DNAH14: variants seen among roughly 807,000 people sequenced by gnomAD.
The protein encoded by DNAH14 is axonemal beta dynein heavy chain 14.
Under a neutral mutation model 520.9 loss-of-function variants are expected in DNAH14, and 478 were observed. The observed-to-expected ratio is 0.92, with a 90% CI of 0.85 to 0.99. The LOEUF is 0.99. Among genes scored for constraint, DNAH14 ranks in the 50% least tolerant of loss-of-function variants. The pLI, the probability that DNAH14 is intolerant of heterozygous loss-of-function variation, is 0.00. For synonymous variants in DNAH14, 1,581 were observed against 1,757.2 expected (o/e 0.90, Z 2.51); for missense variants, 4,831 against 5,234.5 (o/e 0.92, Z 2.38).
At chr1:225,230,963 T>C (rs2091050007) in intron 41 of DNAH14, 110 bp from the exon 42 acceptor site, 4 of 670,988 alleles carry the variant, frequency 6.0e-6, no homozygotes, top group Non-Finnish European at 9.8e-6. Context: ...AATAAAGATA[T>C]TCTATGATAA....
chr1:225,335,453 ATGCACGTG>A lies in DNAH14; in HGVS notation c.10081-1810_10081-1803del, dbSNP rs1558429613. 6.0e-5 allele frequency among the ~76,000 whole-genome samples: 7 copies of A among 116,442 alleles called. 1 individual carries two copies. Among genetic ancestry groups the A allele is most frequent in the Admixed American group, 1.9e-4 (2 of 10,594 alleles). The allele number at this position is 116,442 out of a possible 152,430, so 76.4% of individuals were successfully genotyped here. The stretch of plus-strand genomic sequence containing the variant: ...TGTGTACATGTGTGTGTATGCACAT[ATGCACGTG>A]TGTACATGTGTGTGTATGCACATAT... On this transcript the variant is annotated intron_variant, in intron 66 of 85. Transcript: ENST00000682510.
chr1:225,334,547 G>T (rs1558419290), intron 66 of DNAH14, among the ~76,000 whole-genome samples: 1 of 152,198 alleles, frequency 6.6e-6, no homozygotes, highest in East Asian at 1.9e-4. Context: ...ATTTTAAATG[G>T]CTATGTATCT....
At chr1:224,955,743 G>A (rs1013041783) in intron 3 of DNAH14, among the ~76,000 whole-genome samples, 2 of 151,986 alleles carry the variant, frequency 1.3e-5, no homozygotes, top group African/African-American at 4.8e-5. Context: ...AGGAAGTTGG[G>A]GTCCATCAGA....
chr1:225,308,466 T>C lies in DNAH14; in HGVS notation c.9240+56T>C. ...TTTGGAGATTTGAAAAAGTATTCCCTAACCTTCAAATTTAAAAGTCAGACT... is the reference window on the plus strand; with the variant it reads ...TTTGGAGATTTGAAAAAGTATTCCCCAACCTTCAAATTTAAAAGTCAGACT... On this transcript the variant is annotated intron_variant, in intron 60 of 85. Transcript: ENST00000682510. 4 of 1,471,594 alleles carry C rather than the reference T, an allele frequency of 2.7e-6. No individual in the cohort carries two copies. The South Asian group carries it at 4.2e-5, about 15-fold the overall frequency. The allele number at this position is 1,471,594 out of a possible 1,614,324, so 91.2% of individuals were successfully genotyped here. A position where few individuals can be genotyped will look rare whatever the true frequency, so the allele number is the denominator to read the frequency against.
intron 11 of DNAH14, among the ~76,000 whole-genome samples, chr1:225,031,548 G>A (rs1200609512): frequency 6.6e-6 from 1 of 151,906 alleles, no homozygotes; most frequent in Non-Finnish European, 1.5e-5. Flanking sequence ...AAAAGATAGT[G>A]ATAGGATGTC....
chr1:225,237,313 G>T (rs898981264), intron 42 of DNAH14, among the ~76,000 whole-genome samples: 1 of 152,060 alleles, frequency 6.6e-6, no homozygotes, highest in Admixed American at 6.5e-5. Flanking sequence ...CAGGCCTGCT[G>T]GTGATGAATA....
At position 225,338,114 on chromosome 1, in the gene DNAH14, C is replaced by T. The variant is rs1476178054; in HGVS notation, c.10365C>T (p.Ile3455=). 6.4e-7 allele frequency: 1 copy of T among 1,551,094 alleles called. No individual in the cohort carries two copies. Among genetic ancestry groups the T allele is most frequent in the African/African-American group, 1.4e-5 (1 of 73,034 alleles). Residue 3455 remains isoleucine (I), a synonymous_variant, in exon 68 of 86, where the codon ATC becomes ATT. Coordinates refer to ENST00000682510, the MANE Select transcript of DNAH14 (RefSeq NM_001367479.1). ...TAAAGGCAATTCTGAAAAAGGATATCTATCAGAAAAAAGGACACTATTTCA... is the reference window on the plus strand; with the variant it reads ...TAAAGGCAATTCTGAAAAAGGATATTTATCAGAAAAAAGGACACTATTTCA... ...PGLKAILKKD[I]YQKKGHYFIR...
intron 64 of DNAH14, among the ~76,000 whole-genome samples, chr1:225,329,536 T>C (rs2094749839): frequency 6.6e-6 from 1 of 152,184 alleles, no homozygotes; most frequent in Non-Finnish European, 1.5e-5. Context: ...AGATAAGTGA[T>C]AATTTAAGAA....
chr1:225,394,700 C>G (rs968174567), intron 84 of DNAH14, among the ~76,000 whole-genome samples: 1 of 152,006 alleles, frequency 6.6e-6, no homozygotes, highest in Non-Finnish European at 1.5e-5. Context: ...AAAAATTAGC[C>G]AGGTTGGGTG....
intron 69 of DNAH14, among the ~76,000 whole-genome samples, chr1:225,342,882 T>G (rs1245541732): frequency 6.6e-6 from 1 of 151,144 alleles, no homozygotes; most frequent in Non-Finnish European, 1.5e-5. Flanking sequence ...CTTGCCCTCT[T>G]GCCCCTCCTC....
chr1:225,112,336 A>G (rs898745303), intron 23 of DNAH14, among the ~76,000 whole-genome samples: 13 of 152,136 alleles, frequency 8.5e-5, no homozygotes, highest in African/African-American at 3.1e-4. Context: ...CTACTGCCAG[A>G]TATATTGGAG....
At chr1:225,103,327 G>A (rs3128670) in intron 23 of DNAH14, among the ~76,000 whole-genome samples, 11,113 of 152,250 alleles carry the variant, frequency 0.073, 631 homozygotes, top group East Asian at 0.24. Context: ...GTAGCGTGAT[G>A]CCTCCAGCTT....
At chr1:225,106,794 A>T (rs2076093167) in intron 23 of DNAH14, among the ~76,000 whole-genome samples, 1 of 151,918 alleles carries the variant, frequency 6.6e-6, no homozygotes, top group Admixed American at 6.6e-5. Flanking sequence ...ATTTTTTTTC[A>T]AGGTTTTTAA....
At chr1:225,277,989 T>G (rs2093531498) in intron 54 of DNAH14, among the ~76,000 whole-genome samples, 1 of 152,164 alleles carries the variant, frequency 6.6e-6, no homozygotes, top group Non-Finnish European at 1.5e-5. Context: ...TTTAATTTAT[T>G]ATTTATGACT....
At chr1:224,940,539 AC>A (rs1450934623) in intron 1 of DNAH14, among the ~76,000 whole-genome samples, 1 of 152,000 alleles carries the variant, frequency 6.6e-6, no homozygotes, top group Non-Finnish European at 1.5e-5. Context: ...TTTTTATTAT[AC>A]TTTAAGTTTT....
At chr1:225,075,414 G>T (rs2072140652) in intron 17 of DNAH14, among the ~76,000 whole-genome samples, 1 of 152,058 alleles carries the variant, frequency 6.6e-6, no homozygotes, top group Non-Finnish European at 1.5e-5. Flanking sequence ...ATGCATTCTA[G>T]CTGCTTCTAG....
Position 225,322,802 on chromosome 1 carries a change from C to A in DNAH14, c.9474C>A (p.Asp3158Glu), listed in dbSNP as rs2094581271. The A allele has an allele frequency of 1.3e-6, 2 of 1,551,444 alleles. No homozygotes were observed. The highest frequency in any genetic ancestry group is 1.7e-6 in the Non-Finnish European group (2 of 1,146,696). Residue 3158 changes from aspartate (D) to glutamate (E), a missense_variant, in exon 62 of 86, where the codon GAC (aspartate) becomes GAA (glutamate). Asp to Glu is a conservative substitution (Grantham distance 45, BLOSUM62 2). Transcript: ENST00000682510. ...TCCTGAAAAAATTGATTAACCTTGA[C>A]AAGGACAGCATACCTGATAAGGTAA... ...TGFLKKLINL[D>E]KDSIPDKVFV...
chr1:225,329,180 A>T (rs983267247), intron 64 of DNAH14, among the ~76,000 whole-genome samples: 11 of 152,204 alleles, frequency 7.2e-5, no homozygotes, highest in Admixed American at 4.6e-4. Context: ...ATAAACAAAC[A>T]TCAGTGTAGA....
intron 60 of DNAH14, among the ~76,000 whole-genome samples, chr1:225,314,663 C>T (rs888543422): frequency 1.3e-5 from 2 of 152,168 alleles, no homozygotes; most frequent in Non-Finnish European, 2.9e-5. Context: ...ATTTGCTTGT[C>T]TGTAAAGGAT....
Sources: gnomAD v4.1 joint callset for allele counts (sites outside exome capture counted in the v4.1 genomes callset) on GRCh38, gnomAD v4.1.1 for gene constraint, MANE v1.5 for transcripts, NCBI Gene and HGNC (gene_info 2026-07-23, HGNC 2026-07-21) for gene names.